The following NRG3 variants were observed in gnomAD, a reference collection of about 807,000 sequenced individuals.
The protein encoded by NRG3 is pro-neuregulin-3, membrane-bound isoform.
NRG3 carries 31 observed loss-of-function variants against 66.9 expected under a neutral mutation model. The observed-to-expected ratio is 0.46, with a 90% confidence interval of 0.35 to 0.63. The LOEUF is 0.63. NRG3 is among the 20% of genes least tolerant of loss of function. NRG3 has a pLI of 0.00. For missense variants in NRG3, 910 were observed against 878.9 expected (o/e 1.04, Z -0.45); for synonymous variants, 393 against 359.4 (o/e 1.09, Z -1.06).
At chr10:82,186,352 A>G (rs1433839367) in intron 1 of NRG3, among the ~76,000 whole-genome samples, 3 of 152,134 alleles carry the variant, frequency 2.0e-5, no homozygotes, top group African/African-American at 7.2e-5. Flanking sequence ...GCTCATACTC[A>G]GTGCCTAGAA....
At chr10:81,900,085 T>G (rs891458030) in intron 1 of NRG3, among the ~76,000 whole-genome samples, 1 of 152,144 alleles carries the variant, frequency 6.6e-6, no homozygotes, top group Non-Finnish European at 1.5e-5. Flanking sequence ...TAGCTGGGAT[T>G]GCAGGCGCCT....
chr10:82,148,145 T>G (rs2070398562), intron 1 of NRG3, among the ~76,000 whole-genome samples: 1 of 152,256 alleles, frequency 6.6e-6, no homozygotes, highest in African/African-American at 2.4e-5. Flanking sequence ...CTTTGAAAAC[T>G]TAGATTCCTA....
intron 1 of NRG3, among the ~76,000 whole-genome samples, chr10:81,960,055 T>C (rs1850206555): frequency 6.6e-6 from 1 of 152,220 alleles, no homozygotes; most frequent in East Asian, 1.9e-4. Flanking sequence ...CATTTTCTTA[T>C]GCCTATATTA....
At chr10:82,502,559 G>C (rs192523057) in intron 2 of NRG3, among the ~76,000 whole-genome samples, 1 of 152,236 alleles carries the variant, frequency 6.6e-6, no homozygotes, top group East Asian at 1.9e-4. Flanking sequence ...CTAAGAAAAG[G>C]TGATTATATT....
chr10:82,333,609 A>G (rs1267087074), intron 1 of NRG3, among the ~76,000 whole-genome samples: 6 of 152,180 alleles, frequency 3.9e-5, no homozygotes, highest in African/African-American at 1.2e-4. Context: ...TTGTATGCTT[A>G]TATCATTGAT....
At chr10:82,588,242 G>A (rs1183741851) in intron 2 of NRG3, among the ~76,000 whole-genome samples, 1 of 152,142 alleles carries the variant, frequency 6.6e-6, no homozygotes, top group Non-Finnish European at 1.5e-5. Context: ...AGGGCCTGGT[G>A]GGAGGTTTTT....
Position 82,089,601 on chromosome 10 carries a change from T to C in NRG3, c.823+213438T>C, listed in dbSNP as rs886549020. ...CTTGCCTGACAGTTGTCATGGCAAC[T>C]CTCAATCCAGTGACCTCTTTTAGTT... On this transcript the variant is annotated intron_variant, in intron 1 of 8. Coordinates refer to ENST00000372141, the MANE Select transcript of NRG3 (RefSeq NM_001010848.4). Among the ~76,000 whole-genome samples, 172 of 152,184 alleles carry C rather than the reference T, an allele frequency of 1.1e-3. 4 individuals are homozygous for C. Among genetic ancestry groups the C allele is most frequent in the Admixed American group, 0.011 (172 of 15,284 alleles).
intron 2 of NRG3, among the ~76,000 whole-genome samples, chr10:82,581,410 A>G (rs1295419172): frequency 6.6e-6 from 1 of 152,028 alleles, no homozygotes; most frequent in Non-Finnish European, 1.5e-5. Flanking sequence ...TCTTAATGGT[A>G]TTCTTCACAG....
chr10:81,988,019 T>G (rs545540525), intron 1 of NRG3, among the ~76,000 whole-genome samples: 100 of 152,318 alleles, frequency 6.6e-4, no homozygotes, highest in African/African-American at 2.3e-3. Flanking sequence ...TAATCTTGTA[T>G]AGTAAGTAAT....
chr10:81,902,294 A>G (rs1156987843), intron 1 of NRG3, among the ~76,000 whole-genome samples: 1 of 152,176 alleles, frequency 6.6e-6, no homozygotes, highest in Non-Finnish European at 1.5e-5. Context: ...AAGTGGTTGC[A>G]GATATGCTTG....
chr10:82,939,471 G>T lies in NRG3; in HGVS notation c.1055-11998G>T, dbSNP rs576473026. Among the ~76,000 whole-genome samples the T allele has an allele frequency of 5.1e-3, 645 of 126,358 alleles. 5 individuals carry two copies. The highest frequency in any genetic ancestry group is 0.02 in the African/African-American group (596 of 29,750). The allele number at this position is 126,358 out of a possible 152,430, so 82.9% of individuals were successfully genotyped here. A position where few individuals can be genotyped will look rare whatever the true frequency, so the allele number is the denominator to read the frequency against. ...TTGTTGTTGTTGTTATTGGTTTTTTGTTGTTGTTGTTGTTGTTTGAGACGG... is the reference window on the plus strand; with the variant it reads ...TTGTTGTTGTTGTTATTGGTTTTTTTTTGTTGTTGTTGTTGTTTGAGACGG... On this transcript the variant is annotated intron_variant, in intron 4 of 8. Transcript: ENST00000372141.
intron 1 of NRG3, among the ~76,000 whole-genome samples, chr10:81,968,837 C>T (rs2059825061): frequency 1.3e-5 from 2 of 152,206 alleles, no homozygotes; most frequent in African/African-American, 2.4e-5. Context: ...TGCACCTTCT[C>T]TTCTGGTTCT....
At chr10:82,628,711 G>C (rs1182438072) in intron 2 of NRG3, among the ~76,000 whole-genome samples, 2 of 152,148 alleles carry the variant, frequency 1.3e-5, no homozygotes, top group African/African-American at 4.8e-5. Flanking sequence ...ACCTCATGCA[G>C]AGAGGAGGCT....
At chr10:82,174,479 C>G (rs759846661) in intron 1 of NRG3, among the ~76,000 whole-genome samples, 1 of 152,062 alleles carries the variant, frequency 6.6e-6, no homozygotes, top group Non-Finnish European at 1.5e-5. Context: ...TGGCCCTTCG[C>G]TCTGACAATT....
At chr10:82,371,537 G>C (rs2084894888) in intron 2 of NRG3, among the ~76,000 whole-genome samples, 1 of 152,122 alleles carries the variant, frequency 6.6e-6, no homozygotes. Flanking sequence ...CATAAGAGAG[G>C]GGTTGAGTTG....
At chr10:82,082,232 C>T (rs533955414) in intron 1 of NRG3, among the ~76,000 whole-genome samples, 32 of 152,182 alleles carry the variant, frequency 2.1e-4, no homozygotes, top group Non-Finnish European at 4.3e-4. Flanking sequence ...TACTCTGTTG[C>T]AAAATTAAGG....
chr10:82,413,231 A>C (rs1221608464), intron 2 of NRG3, among the ~76,000 whole-genome samples: 1 of 152,170 alleles, frequency 6.6e-6, no homozygotes, highest in Admixed American at 6.6e-5. Flanking sequence ...TGAAAGTTGA[A>C]ATTACTTTTT....
intron 1 of NRG3, among the ~76,000 whole-genome samples, chr10:82,112,951 G>A (rs1042795014): frequency 1.3e-5 from 2 of 152,080 alleles, no homozygotes; most frequent in African/African-American, 4.8e-5. Context: ...GAAATAAGAT[G>A]CCTAGCTCAT....
chr10:82,675,737 G>C (rs1161301327), intron 2 of NRG3, among the ~76,000 whole-genome samples: 1 of 152,168 alleles, frequency 6.6e-6, no homozygotes, highest in Non-Finnish European at 1.5e-5. Flanking sequence ...ATTAAAAGCA[G>C]TTTGAAGGCT....
Sources: gnomAD v4.1 joint callset for allele counts (sites outside exome capture counted in the v4.1 genomes callset) on GRCh38, gnomAD v4.1.1 for gene constraint, MANE v1.5 for transcripts, NCBI Gene and HGNC (gene_info 2026-07-23, HGNC 2026-07-21) for gene names.